AK4: variants seen among roughly 807,000 people sequenced by gnomAD.
The protein encoded by AK4 is adenylate kinase 4, mitochondrial.
AK4 carries 13 observed loss-of-function variants against 24.6 expected under a neutral mutation model. The ratio of observed to expected loss-of-function variants is 0.53; its 90% confidence interval spans 0.34 to 0.84. The LOEUF (loss-of-function observed/expected upper bound fraction) is 0.84. Among genes scored for constraint, AK4 ranks in the 40% least tolerant of loss-of-function variants. The pLI is 0.01. For synonymous variants in AK4, 88 were observed against 107.0 expected (o/e 0.82, Z 1.10); for missense variants, 192 against 288.2 (o/e 0.67, Z 2.42).
chr1:65,185,624 CTTTT>C (rs35079324), intron 1 of AK4, among the ~76,000 whole-genome samples: 1 of 136,218 alleles, frequency 7.3e-6, no homozygotes, highest in African/African-American at 2.8e-5. Context: ...ATATGACCAT[CTTTT>C]TTTTTTTTTT....
At chr1:65,153,567 G>A (rs1206971835) in intron 1 of AK4, among the ~76,000 whole-genome samples, 10 of 152,066 alleles carry the variant, frequency 6.6e-5, no homozygotes, top group Non-Finnish European at 1.5e-4. Context: ...CACCATGCCT[G>A]GCCAGGATCA....
chr1:65,190,806 G>A lies in AK4; in HGVS notation c.242G>A (p.Arg81His), dbSNP rs374922038. 208 of 1,613,950 alleles carry A rather than the reference G, an allele frequency of 1.3e-4. No homozygotes were observed. The highest frequency in any genetic ancestry group is 3.3e-4 in the Middle Eastern group (2 of 6,084). ...RLMMSELENR[R>H]GQHWLLDGFP... The stretch of plus-strand genomic sequence containing the variant: ...ATGATGTCCGAGTTGGAGAACAGGC[G>A]TGGCCAGCACTGGCTCCTTGATGGT... The change falls in exon 2 of 5, where the codon CGT becomes CAT. Residue 81 changes from arginine (R) to histidine (H), a missense_variant. Transcript: ENST00000327299.
Position 65,155,337 on chromosome 1 carries a change from G to A in AK4, c.145+6785G>A, listed in dbSNP as rs1018552124. Among the ~76,000 whole-genome samples, 8 of 152,156 alleles carry A rather than the reference G, an allele frequency of 5.3e-5. No homozygotes were observed. In the East Asian group the frequency reaches 1.6e-3, roughly 30 times the overall value. On this transcript the variant is annotated intron_variant, in intron 1 of 4. Transcript: ENST00000327299. ...AAAATACAAAAATTAGCTGGGCTTGGTGGCGTGTGCCTATAGTCCCAGCTA... is the reference window on the plus strand; with the variant it reads ...AAAATACAAAAATTAGCTGGGCTTGATGGCGTGTGCCTATAGTCCCAGCTA...
chr1:65,188,623 C>T (rs1436944985), intron 1 of AK4, among the ~76,000 whole-genome samples: 1 of 146,514 alleles, frequency 6.8e-6, no homozygotes, highest in Non-Finnish European at 1.5e-5. Flanking sequence ...GGACTACAGG[C>T]GCCTATCACC....
intron 1 of AK4, among the ~76,000 whole-genome samples, chr1:65,187,309 C>T (rs1334742508): frequency 1.4e-5 from 2 of 139,150 alleles, no homozygotes; most frequent in Admixed American, 7.6e-5. Context: ...GATCGCGCCA[C>T]TGCACTCCAG....
chr1:65,172,063 G>GTATATATATATGTATATA (rs1650545410), intron 1 of AK4, among the ~76,000 whole-genome samples: 1 of 65,746 alleles, frequency 1.5e-5, no homozygotes, highest in Non-Finnish European at 3.9e-5. Context: ...TCCATCTCAA[G>GTATATATATATGTATATA]TATATATATA....
intron 1 of AK4, among the ~76,000 whole-genome samples, chr1:65,167,123 ACT>A (rs34201920): frequency 0.036 from 5,420 of 152,178 alleles, 188 homozygotes; most frequent in Admixed American, 0.11. Flanking sequence ...ACAGAGAAAG[ACT>A]CTCTCAAAAA....
At chr1:65,199,301 G>T (rs920174925) in intron 2 of AK4, among the ~76,000 whole-genome samples, 3 of 151,998 alleles carry the variant, frequency 2.0e-5, no homozygotes, top group Non-Finnish European at 4.4e-5. Flanking sequence ...TGTAATCCCA[G>T]CACTTTGGGA....
chr1:65,212,067 G>A (rs747562793), intron 2 of AK4, among the ~76,000 whole-genome samples: 21 of 152,134 alleles, frequency 1.4e-4, no homozygotes, highest in Non-Finnish European at 2.6e-4. Flanking sequence ...CAAGGATGCC[G>A]GTATGGCTGG....
At chr1:65,215,159 CT>C (rs746165086) in intron 2 of AK4, among the ~76,000 whole-genome samples, 40 of 146,280 alleles carry the variant, frequency 2.7e-4, no homozygotes, top group Middle Eastern at 7.0e-3. Context: ...CTTTTCTTTT[CT>C]TTTCTTTCTT....
At chr1:65,150,164 CAT>C (rs1428427854) in intron 1 of AK4, among the ~76,000 whole-genome samples, 7 of 152,162 alleles carry the variant, frequency 4.6e-5, no homozygotes, top group Admixed American at 6.6e-5. Context: ...GGACTGGACT[CAT>C]AGCCCTTTCC....
intron 2 of AK4, among the ~76,000 whole-genome samples, chr1:65,215,399 T>G (rs544340567): frequency 6.6e-6 from 1 of 152,206 alleles, no homozygotes; most frequent in East Asian, 1.9e-4. Flanking sequence ...CTTGATCTCT[T>G]GATCTCAGGT....
chr1:65,154,394 A>T lies in AK4; in HGVS notation c.145+5842A>T. ...TTTGTGGAACATTTGGGTTATTTGC[A>T]TACTTTGCTGATTAAGAATGCCCTT... is the stretch of plus-strand genomic sequence containing the variant. On this transcript the variant is annotated intron_variant, in intron 1 of 4. Coordinates refer to ENST00000327299, the MANE Select transcript of AK4 (RefSeq NM_013410.4). 1.1e-5 allele frequency: 4 copies of T among 379,700 alleles called. No individual in the cohort carries two copies. The Admixed American group carries it at 1.1e-4, about 11-fold the overall frequency. 23.5% of individuals were successfully genotyped at this position (379,700 alleles called of 1,614,324 possible).
intron 2 of AK4, among the ~76,000 whole-genome samples, chr1:65,203,422 T>C (rs1328213890): frequency 2.0e-5 from 3 of 152,154 alleles, no homozygotes; most frequent in African/African-American, 2.4e-5. Flanking sequence ...AATAACTTAC[T>C]GAGAAACTTC....
intron 2 of AK4, among the ~76,000 whole-genome samples, chr1:65,200,857 C>T (rs573507198): frequency 7.2e-5 from 11 of 151,762 alleles, no homozygotes; most frequent in Non-Finnish European, 1.0e-4. Flanking sequence ...TGCAATGGCG[C>T]GATCTTGGCT....
At chr1:65,152,404 T>A (rs1215873802) in intron 1 of AK4, among the ~76,000 whole-genome samples, 17 of 90,230 alleles carry the variant, frequency 1.9e-4, no homozygotes, top group African/African-American at 6.8e-4. Context: ...TTTTTTTTTT[T>A]TTTTTTTTTT....
intron 1 of AK4, among the ~76,000 whole-genome samples, chr1:65,176,130 C>T (rs527282079): frequency 1.3e-5 from 2 of 152,070 alleles, no homozygotes; most frequent in South Asian, 4.2e-4. Flanking sequence ...GATCTGCTGG[C>T]GGAATGAGAA....
chr1:65,187,069 G>T (rs1651122761), intron 1 of AK4, among the ~76,000 whole-genome samples: 1 of 152,108 alleles, frequency 6.6e-6, no homozygotes, highest in South Asian at 2.1e-4. Context: ...TATAAGAAGT[G>T]TCCAGGGAGG....
At chr1:65,168,188 C>T (rs1370580488) in intron 1 of AK4, among the ~76,000 whole-genome samples, 1 of 136,886 alleles carries the variant, frequency 7.3e-6, no homozygotes, top group Non-Finnish European at 1.5e-5. Flanking sequence ...GCTCTTGTTG[C>T]CCAGGCTGGA....
Sources: gnomAD v4.1 joint callset for allele counts (sites outside exome capture counted in the v4.1 genomes callset) on GRCh38, gnomAD v4.1.1 for gene constraint, MANE v1.5 for transcripts, NCBI Gene and HGNC (gene_info 2026-07-23, HGNC 2026-07-21) for gene names.